TRABD2B: variants seen among roughly 807,000 people sequenced by gnomAD.
TRABD2B encodes metalloprotease TIKI2.
TRABD2B carries 14 observed loss-of-function variants against 40.1 expected under a neutral mutation model. The ratio of observed to expected loss-of-function variants is 0.35; its 90% CI spans 0.23 to 0.55. The LOEUF (loss-of-function observed/expected upper bound fraction) is 0.55. TRABD2B is among the 20% of genes least tolerant of loss of function. The pLI, the probability that TRABD2B is intolerant of heterozygous loss-of-function variation, is 0.90. For missense variants in TRABD2B, 541 were observed against 648.6 expected, an observed-to-expected ratio of 0.83 and a Z score of 1.80; for synonymous variants, 263 against 277.0, an observed-to-expected ratio of 0.95 and a Z score of 0.50.
At chr1:47,803,823 T>C (rs901767932) in intron 2 of TRABD2B, among the ~76,000 whole-genome samples, 1 of 152,244 alleles carries the variant, frequency 6.6e-6, no homozygotes, top group African/African-American at 2.4e-5. Flanking sequence ...TCTTTGACAC[T>C]GCTATGGTCA....
chr1:47,827,009 T>C (rs886563599), intron 2 of TRABD2B, among the ~76,000 whole-genome samples: 2 of 152,176 alleles, frequency 1.3e-5, no homozygotes, highest in Non-Finnish European at 2.9e-5. Context: ...CTTTGGGGCC[T>C]CATAGTCTGG....
chr1:47,800,142 T>G (rs1001717635), intron 3 of TRABD2B, among the ~76,000 whole-genome samples: 1 of 152,100 alleles, frequency 6.6e-6, no homozygotes, highest in Non-Finnish European at 1.5e-5. Context: ...CCTGCCCTCA[T>G]GGAGCTTATG....
At chr1:47,817,426 A>C in intron 2 of TRABD2B, among the ~76,000 whole-genome samples, 3 of 151,210 alleles carry the variant, frequency 2.0e-5, no homozygotes, top group Admixed American at 6.6e-5. Flanking sequence ...CAGCTGTGGA[A>C]CCTCCCTTTT....
At chr1:47,991,692 T>G (rs1646013486) in intron 2 of TRABD2B, among the ~76,000 whole-genome samples, 1 of 151,910 alleles carries the variant, frequency 6.6e-6, no homozygotes, top group African/African-American at 2.4e-5. Context: ...AGACACTGTT[T>G]TAAGCCTTAT....
At chr1:47,892,279 C>A (rs1644458469) in intron 2 of TRABD2B, among the ~76,000 whole-genome samples, 1 of 152,220 alleles carries the variant, frequency 6.6e-6, no homozygotes, top group Non-Finnish European at 1.5e-5. Flanking sequence ...TCAAGGATGA[C>A]TCTAAGACTT....
At chr1:47,932,491 T>G (rs1645052693) in intron 2 of TRABD2B, among the ~76,000 whole-genome samples, 1 of 152,052 alleles carries the variant, frequency 6.6e-6, no homozygotes, top group Admixed American at 6.6e-5. Context: ...TGAGGAGGGA[T>G]GTGGAGTCAA....
At chr1:47,985,983 A>G (rs1645913293) in intron 2 of TRABD2B, among the ~76,000 whole-genome samples, 1 of 151,660 alleles carries the variant, frequency 6.6e-6, no homozygotes, top group Admixed American at 6.5e-5. Flanking sequence ...TATATGTGAG[A>G]GGGAGGGAGG....
intron 2 of TRABD2B, among the ~76,000 whole-genome samples, chr1:47,858,005 T>C (rs930649789): frequency 6.6e-6 from 1 of 150,980 alleles, no homozygotes; most frequent in African/African-American, 2.4e-5. Context: ...TTTGCATAAC[T>C]TTTATTAAAG....
Position 47,994,911 on chromosome 1 carries a change from C to T in TRABD2B, c.103-314G>A, listed in dbSNP as rs996024671. ...AGATACAATATATGTATATTAAGCC[C>T]TCAGAGCAGTGCCAGGTACAGAGGA... is the stretch of plus-strand genomic sequence containing the variant. On this transcript the variant is annotated intron_variant, in intron 1 of 6. Transcript: ENST00000606738. This position sits in a 1 kb window ranked among gnomAD's most constrained non-coding sequence, Gnocchi z 6.7. 7.2e-5 allele frequency among the ~76,000 whole-genome samples: 11 copies of T among 152,098 alleles called. No individual in the cohort carries two copies. Among genetic ancestry groups the T allele is most frequent in the African/African-American group, 2.2e-4 (9 of 41,388 alleles).
At chr1:47,918,481 C>T (rs1353806087) in intron 2 of TRABD2B, among the ~76,000 whole-genome samples, 1 of 152,168 alleles carries the variant, frequency 6.6e-6, no homozygotes, top group Non-Finnish European at 1.5e-5. Context: ...GTACGCAGCA[C>T]GGCAGAATCT....
At chr1:47,901,797 C>A (rs916861399) in intron 2 of TRABD2B, among the ~76,000 whole-genome samples, 3 of 152,140 alleles carry the variant, frequency 2.0e-5, no homozygotes, top group Non-Finnish European at 4.4e-5. Context: ...GGGAGACAGG[C>A]ACGTTGGCAG....
chr1:47,994,593 C>G lies in TRABD2B; in HGVS notation c.107G>C (p.Arg36Thr), dbSNP rs1646063087. Residue 36 changes from arginine to threonine, a missense_variant, in exon 2 of 7, where the codon AGG becomes ACG. This residue lies in a region of TRABD2B where 369 missense variants were observed against 492.8 expected (regional missense o/e 0.75). Coordinates refer to ENST00000606738, the MANE Select transcript of TRABD2B (RefSeq NM_001194986.2). The surrounding 1 kb of genome is among the most constrained non-coding windows in gnomAD (Gnocchi z 6.7). ...GGQCRPPGSQ[R>T]DLNSFLWTIR... ...CGTCCACAGGAAGGAGTTCAAGTCCCTCTGCTGCAGGAGTAGAGAAGAGGC... is the reference window on the plus strand; with the variant it reads ...CGTCCACAGGAAGGAGTTCAAGTCCGTCTGCTGCAGGAGTAGAGAAGAGGC... 6.5e-7 allele frequency: 1 copy of G among 1,533,966 alleles called. No homozygotes were observed. The highest frequency in any genetic ancestry group is 8.7e-7 in the Non-Finnish European group (1 of 1,145,780).
chr1:47,852,437 C>T (rs1020525098), intron 2 of TRABD2B, among the ~76,000 whole-genome samples: 2 of 152,180 alleles, frequency 1.3e-5, no homozygotes, highest in Non-Finnish European at 1.5e-5. Flanking sequence ...TTTCACGATC[C>T]CCTTTCAATG....
At chr1:47,948,821 A>G (rs918804001) in intron 2 of TRABD2B, among the ~76,000 whole-genome samples, 7 of 152,106 alleles carry the variant, frequency 4.6e-5, no homozygotes, top group Admixed American at 1.3e-4. Context: ...ACTTCTGTGC[A>G]TCTGAATCAT....
intron 2 of TRABD2B, among the ~76,000 whole-genome samples, chr1:47,977,503 C>T (rs1436482986): frequency 2.6e-5 from 4 of 152,128 alleles, no homozygotes; most frequent in Middle Eastern, 3.4e-3. Flanking sequence ...TCCATTTACC[C>T]GAGCAATCAT....
chr1:47,875,312 G>T (rs561563080), intron 2 of TRABD2B, among the ~76,000 whole-genome samples: 2 of 150,948 alleles, frequency 1.3e-5, no homozygotes, highest in South Asian at 4.3e-4. Context: ...TAGTATTCAC[G>T]CACAGCACGC....
chr1:47,960,552 G>C (rs1645497032), intron 2 of TRABD2B, among the ~76,000 whole-genome samples: 2 of 152,254 alleles, frequency 1.3e-5, no homozygotes, highest in African/African-American at 4.8e-5. Flanking sequence ...AAAATCACAA[G>C]CATTCCTATA....
intron 2 of TRABD2B, among the ~76,000 whole-genome samples, chr1:47,959,382 T>TA (rs1490670318): frequency 1.3e-5 from 2 of 151,852 alleles, no homozygotes; most frequent in Non-Finnish European, 2.9e-5. Context: ...CTGAAGGAGA[T>TA]AGAGACACAA....
chr1:47,781,158 C>G (rs1644516296), intron 4 of TRABD2B, among the ~76,000 whole-genome samples: 2 of 152,200 alleles, frequency 1.3e-5, no homozygotes. Flanking sequence ...GCCTCCAGCA[C>G]GCAGGCTGGA....
Sources: allele counts gnomAD v4.1 joint callset (sites outside exome capture counted in the v4.1 genomes callset), GRCh38; gene constraint gnomAD v4.1.1; regional missense constraint gnomAD v4.1.1; non-coding constraint Gnocchi (gnomAD v3.1); transcripts MANE v1.5; gene names NCBI Gene and HGNC (gene_info 2026-07-23, HGNC 2026-07-21).